Variants in PCNX1 observed in about 807,000 individuals in gnomAD.
PCNX1 encodes pecanex-like protein 1.
In PCNX1, 78 loss-of-function variants were observed where a neutral mutation model predicts 242.2. The observed-to-expected ratio is 0.32, with a 90% CI of 0.27 to 0.39. PCNX1 has a LOEUF of 0.39. Among genes scored for constraint, PCNX1 ranks in the 10% least tolerant of loss-of-function variants. PCNX1 has a pLI of 1.00. For synonymous variants in PCNX1, 1,024 were observed against 1,032.9 expected (o/e 0.99, Z 0.17); for missense variants, 2,581 against 2,856.5 (o/e 0.90, Z 2.20).
chr14:71,099,096 T>A (rs146528370), intron 30 of PCNX1, among the ~76,000 whole-genome samples: 148 of 152,366 alleles, frequency 9.7e-4, no homozygotes, highest in African/African-American at 3.3e-3. Flanking sequence ...TTCAGAGATC[T>A]TCTTGGTATT....
intron 8 of PCNX1, among the ~76,000 whole-genome samples, chr14:71,000,634 T>G (rs1204151952): frequency 6.6e-6 from 1 of 151,704 alleles, no homozygotes; most frequent in East Asian, 1.9e-4. Flanking sequence ...TCAAGCGATT[T>G]TGCTGCCTTA....
At chr14:70,961,409 A>G (rs1011760643) in intron 2 of PCNX1, among the ~76,000 whole-genome samples, 1 of 152,212 alleles carries the variant, frequency 6.6e-6, no homozygotes, top group East Asian at 1.9e-4. Context: ...AAAACAAGCA[A>G]TGGGGAAAGG....
intron 7 of PCNX1, among the ~76,000 whole-genome samples, chr14:70,989,273 G>A (rs189686861): frequency 6.6e-6 from 1 of 151,644 alleles, no homozygotes; most frequent in Admixed American, 6.6e-5. Flanking sequence ...CAATTGGAGA[G>A]AGATATATAT....
At chr14:71,024,942 A>G (rs912550646) in intron 13 of PCNX1, among the ~76,000 whole-genome samples, 1 of 152,208 alleles carries the variant, frequency 6.6e-6, no homozygotes, top group Admixed American at 6.5e-5. Context: ...CAGATAATAA[A>G]TACTTAAAAT....
intron 2 of PCNX1, among the ~76,000 whole-genome samples, chr14:70,949,093 TATAC>T (rs973189509): frequency 2.2e-4 from 33 of 148,022 alleles, no homozygotes; most frequent in East Asian, 4.1e-4. Context: ...CATGTGTATA[TATAC>T]ATACATGTAT....
chr14:71,073,517 T>A, intron 26 of PCNX1, 28 bp from the exon 27 acceptor site: 1 of 1,566,352 alleles, frequency 6.4e-7, no homozygotes. Context: ...GTTTTCCCCC[T>A]TTGTAAAGCT....
chr14:71,083,295 C>T lies in PCNX1; in HGVS notation c.5338-5035C>T, dbSNP rs186069342. Among the ~76,000 whole-genome samples, 7 of 152,274 alleles carry T rather than the reference C, an allele frequency of 4.6e-5. No individual in the cohort carries two copies. In the East Asian group the frequency reaches 1.4e-3, roughly 29 times the overall value. On this transcript the variant is annotated intron_variant, in intron 28 of 35. Transcript: ENST00000304743. ...TGGCTGCCCTTAACATTTTTTCCTT[C>T]ATTTCAACCTTGGTGAATCTGACGA...
intron 28 of PCNX1, among the ~76,000 whole-genome samples, chr14:71,079,740 A>C (rs755024319): frequency 2.0e-5 from 3 of 151,112 alleles, no homozygotes; most frequent in Non-Finnish European, 4.4e-5. Flanking sequence ...TTTTCTTGTA[A>C]ATTTAAATTC....
At chr14:71,034,639 T>G (rs1260754806) in intron 18 of PCNX1, among the ~76,000 whole-genome samples, 1 of 152,220 alleles carries the variant, frequency 6.6e-6, no homozygotes, top group Non-Finnish European at 1.5e-5. Flanking sequence ...ATTTATGGAA[T>G]AAAACAAAAT....
chr14:70,959,679 G>A (rs1292096199), intron 2 of PCNX1, among the ~76,000 whole-genome samples: 38 of 150,590 alleles, frequency 2.5e-4, no homozygotes, highest in African/African-American at 5.6e-4. Context: ...GAATAGTGCC[G>A]CAGTAAACAT....
chr14:70,952,331 C>T (rs1427365218), intron 2 of PCNX1, among the ~76,000 whole-genome samples: 1 of 152,136 alleles, frequency 6.6e-6, no homozygotes, highest in Admixed American at 6.5e-5. Context: ...GTGACTACTT[C>T]ATTACCTACC....
intron 1 of PCNX1, among the ~76,000 whole-genome samples, chr14:70,911,830 G>T (rs189609412): frequency 9.3e-4 from 141 of 152,262 alleles, no homozygotes; most frequent in African/African-American, 3.3e-3. Context: ...CCTCTATAAT[G>T]CTGTATGACT....
chr14:70,923,984 A>C (rs935218441), intron 1 of PCNX1, among the ~76,000 whole-genome samples: 1 of 152,174 alleles, frequency 6.6e-6, no homozygotes, highest in Non-Finnish European at 1.5e-5. Flanking sequence ...TAATCCCAGC[A>C]CTTTGGGAGG....
intron 24 of PCNX1, chr14:71,053,204 A>G (rs753208238): frequency 1.6e-5 from 7 of 446,372 alleles, no homozygotes; most frequent in Non-Finnish European, 2.7e-5. Flanking sequence ...GCCCAAAGTA[A>G]TGTTCAGTGG....
At chr14:71,055,611 A>G (rs1013512936) in intron 25 of PCNX1, 49 bp downstream of exon 25, 2 of 1,124,518 alleles carry the variant, frequency 1.8e-6, no homozygotes, top group Admixed American at 1.8e-5. Flanking sequence ...GATTTGTTTT[A>G]TATATATATG....
At chr14:71,107,708 G>GT (rs1260221963) in intron 33 of PCNX1, among the ~76,000 whole-genome samples, 1 of 152,148 alleles carries the variant, frequency 6.6e-6, no homozygotes, top group Non-Finnish European at 1.5e-5. Context: ...TTACAGCGTG[G>GT]TATTCACTGT....
chr14:71,037,752 G>T (rs895375159), intron 19 of PCNX1, among the ~76,000 whole-genome samples: 3 of 151,662 alleles, frequency 2.0e-5, no homozygotes, highest in Non-Finnish European at 4.4e-5. Flanking sequence ...CCAAAAAAGA[G>T]CCCGCATCGC....
intron 35 of PCNX1, 26 bp downstream of exon 35, chr14:71,109,618 C>T: frequency 6.2e-7 from 1 of 1,613,272 alleles, no homozygotes; most frequent in Non-Finnish European, 8.5e-7. Context: ...AGCTGGCGGT[C>T]TGGGGCTCTG....
At chr14:71,093,816 T>C (rs2062200567) in intron 30 of PCNX1, 1 of 152,218 alleles carries the variant, frequency 6.6e-6, no homozygotes, top group South Asian at 2.1e-4. Flanking sequence ...ATGAAGACCT[T>C]TATGATGATC....
Sources: gnomAD v4.1 joint callset for allele counts (sites outside exome capture counted in the v4.1 genomes callset) on GRCh38, gnomAD v4.1.1 for gene constraint, MANE v1.5 for transcripts, NCBI Gene and HGNC (gene_info 2026-07-23, HGNC 2026-07-21) for gene names.